The following RBFOX1 variants were observed in gnomAD, a reference collection of about 807,000 sequenced individuals.
RBFOX1 encodes the protein RNA binding fox-1 homolog 1, also known as RNA binding protein fox-1 homolog 1.
A neutral mutation model predicts 57.7 loss-of-function variants in RBFOX1; 8 were observed. That is an observed-to-expected ratio of 0.14 (90% CI 0.08 to 0.25). The LOEUF is 0.25. Ranked by LOEUF, RBFOX1 falls within the 10% of genes least tolerant of loss-of-function variation. The pLI is 1.00. For missense variants in RBFOX1, 611 were observed against 548.5 expected (o/e 1.11, Z -1.14); for synonymous variants, 326 against 222.4 (o/e 1.47, Z -4.15).
At chr16:5,824,281 A>T (rs1300727776) in intron 3 of RBFOX1, among the ~76,000 whole-genome samples, 1 of 152,194 alleles carries the variant, frequency 6.6e-6, no homozygotes, top group Non-Finnish European at 1.5e-5. Flanking sequence ...CCATGATGAC[A>T]GCTGAGTGGA....
At chr16:7,021,445 A>G (rs1010507678) in intron 3 of RBFOX1, among the ~76,000 whole-genome samples, 10 of 145,886 alleles carry the variant, frequency 6.9e-5, no homozygotes, top group Non-Finnish European at 1.4e-4. Context: ...TGTTTTATAT[A>G]TCAGTATTAA....
chr16:7,132,870 GGT>G (rs1452878547), intron 4 of RBFOX1, among the ~76,000 whole-genome samples: 1 of 152,076 alleles, frequency 6.6e-6, no homozygotes, highest in Non-Finnish European at 1.5e-5. Flanking sequence ...GCTGCCACGT[GGT>G]GATAAATAGG....
chr16:6,720,522 G>A (rs1391635309), intron 3 of RBFOX1, among the ~76,000 whole-genome samples: 2 of 152,242 alleles, frequency 1.3e-5, no homozygotes, highest in Non-Finnish European at 2.9e-5. Flanking sequence ...TCAGGAAAGG[G>A]TGTTACAGGC....
At chr16:7,041,082 ATTTTTTTT>A (rs61569211) in intron 3 of RBFOX1, among the ~76,000 whole-genome samples, 31 of 109,318 alleles carry the variant, frequency 2.8e-4, no homozygotes, top group African/African-American at 3.9e-4. Flanking sequence ...CGCCCAGCTA[ATTTTTTTT>A]TTTTTTTTTT....
intron 11 of RBFOX1, among the ~76,000 whole-genome samples, chr16:7,647,035 C>T (rs558586121): frequency 5.3e-5 from 8 of 152,146 alleles, no homozygotes; most frequent in Non-Finnish European, 7.4e-5. Context: ...ACACATCTTC[C>T]GTTCTAAAAT....
At position 6,911,293 on chromosome 16, in the gene RBFOX1, A is replaced by G. The variant is rs558422183; in HGVS notation, c.-15-140764A>G. 1.5e-3 allele frequency among the ~76,000 whole-genome samples: 229 copies of G among 151,598 alleles called. 1 individual carries two copies. Among genetic ancestry groups the G allele is most frequent in the Non-Finnish European group, 2.0e-3 (136 of 67,956 alleles). On this transcript the variant is annotated intron_variant, in intron 3 of 15. Transcript: ENST00000550418. The stretch of plus-strand genomic sequence containing the variant: ...CTATAACAAAGTTCCACAAACTAGG[A>G]GGCTTCGGCAACAGAAATGTTTTGC...
chr16:7,366,530 C>G (rs190928555), intron 4 of RBFOX1, among the ~76,000 whole-genome samples: 1 of 152,186 alleles, frequency 6.6e-6, no homozygotes, highest in Admixed American at 6.5e-5. Context: ...TGATTTCTGT[C>G]CTTCCTCCCT....
At chr16:7,603,925 G>A (rs935866698) in intron 9 of RBFOX1, among the ~76,000 whole-genome samples, 1 of 152,090 alleles carries the variant, frequency 6.6e-6, no homozygotes, top group Non-Finnish European at 1.5e-5. Context: ...ATGGACAGGG[G>A]GAAGGAGGAG....
chr16:5,329,782 G>A (rs1013479305), intron 1 of RBFOX1, among the ~76,000 whole-genome samples: 7 of 152,156 alleles, frequency 4.6e-5, no homozygotes, highest in Non-Finnish European at 8.8e-5. Flanking sequence ...GGTGGATCAG[G>A]AGGTCAGGAG....
At chr16:7,295,673 C>G (rs1029868294) in intron 4 of RBFOX1, among the ~76,000 whole-genome samples, 1 of 152,056 alleles carries the variant, frequency 6.6e-6, no homozygotes, top group African/African-American at 2.4e-5. Flanking sequence ...TACAGGTGTA[C>G]TCAGGGGAGT....
chr16:5,453,446 A>G (rs2068488686), intron 1 of RBFOX1, among the ~76,000 whole-genome samples: 2 of 152,204 alleles, frequency 1.3e-5, no homozygotes, highest in African/African-American at 2.4e-5. Context: ...GTAGAAGGAT[A>G]GAGGATAGGA....
intron 2 of RBFOX1, among the ~76,000 whole-genome samples, chr16:5,576,601 G>C (rs2151145291): frequency 6.6e-6 from 1 of 152,338 alleles, no homozygotes; most frequent in Non-Finnish European, 1.5e-5. Context: ...TGCATTAACG[G>C]GAACTAGGAG....
chr16:5,577,112 C>T (rs540461651), intron 2 of RBFOX1, among the ~76,000 whole-genome samples: 46 of 152,262 alleles, frequency 3.0e-4, no homozygotes, highest in Non-Finnish European at 5.9e-4. Context: ...TGGTCTCTCT[C>T]TCTTAATGGA....
At chr16:6,913,517 C>G (rs777381489) in intron 3 of RBFOX1, among the ~76,000 whole-genome samples, 4 of 152,146 alleles carry the variant, frequency 2.6e-5, no homozygotes, top group Non-Finnish European at 4.4e-5. Flanking sequence ...ATCTGCAGTG[C>G]CCGATGCCCA....
intron 3 of RBFOX1, among the ~76,000 whole-genome samples, chr16:6,709,732 G>C (rs567117460): frequency 4.6e-5 from 7 of 152,128 alleles, no homozygotes; most frequent in Non-Finnish European, 8.8e-5. Context: ...ACAGTTCCCT[G>C]GTAACTTAAG....
intron 3 of RBFOX1, among the ~76,000 whole-genome samples, chr16:6,942,523 C>A (rs372337126): frequency 6.6e-6 from 1 of 152,090 alleles, no homozygotes; most frequent in African/African-American, 2.4e-5. Flanking sequence ...CCTAGTGAGA[C>A]TATCAGTTAG....
chr16:7,127,980 T>C (rs1292812968), intron 4 of RBFOX1, among the ~76,000 whole-genome samples: 1 of 152,240 alleles, frequency 6.6e-6, no homozygotes, highest in African/African-American at 2.4e-5. Context: ...TGGGTTCAGA[T>C]GCACAAATAC....
intron 1 of RBFOX1, among the ~76,000 whole-genome samples, chr16:6,135,256 C>T (rs1047344823): frequency 3.3e-5 from 5 of 152,178 alleles, no homozygotes; most frequent in Non-Finnish European, 7.3e-5. Context: ...AGGTTTTCAG[C>T]TGCAGAACAG....
At chr16:5,306,742 T>A (rs2063946142) in intron 1 of RBFOX1, among the ~76,000 whole-genome samples, 1 of 152,170 alleles carries the variant, frequency 6.6e-6, no homozygotes, top group East Asian at 1.9e-4. Flanking sequence ...ATCACCCGGA[T>A]CACTTTATGC....
Sources: allele counts gnomAD v4.1 joint callset (sites outside exome capture counted in the v4.1 genomes callset), GRCh38; gene constraint gnomAD v4.1.1; transcripts MANE v1.5; gene names NCBI Gene and HGNC (gene_info 2026-07-23, HGNC 2026-07-21).